The following TNFRSF9 variants were observed in gnomAD, a reference collection of about 807,000 sequenced individuals.
TNFRSF9 encodes the protein TNF receptor superfamily member 9, also known as tumor necrosis factor receptor superfamily member 9.
TNFRSF9 carries 16 observed loss-of-function variants against 28.8 expected under a neutral mutation model. That is an observed-to-expected ratio of 0.55 (90% CI 0.38 to 0.84). The LOEUF is 0.84. TNFRSF9 is among the 40% of genes least tolerant of loss of function. The probability of loss-of-function intolerance (pLI) is 0.00; values close to 1 mark genes in which losing one functional copy is unlikely to be tolerated. For missense variants in TNFRSF9, 303 were observed against 315.0 expected, an observed-to-expected ratio of 0.96 and a Z score of 0.29; for synonymous variants, 131 against 117.0, an observed-to-expected ratio of 1.12 and a Z score of -0.77.
At chr1:7,937,893 C>G (rs548452779) in intron 4 of TNFRSF9, 137 bp from the exon 5 acceptor site, 23 of 731,678 alleles carry the variant, frequency 3.1e-5, no homozygotes, top group Middle Eastern at 3.6e-4. Context: ...AAACAACACC[C>G]TAAGATGGCT....
chr1:7,920,935 AT>A lies in TNFRSF9; in HGVS notation c.680-13del. The A allele has an allele frequency of 2.5e-6, 4 of 1,570,308 alleles. No homozygotes were observed. The highest frequency in any genetic ancestry group is 3.5e-6 in the Non-Finnish European group (4 of 1,143,192). On this transcript the variant is annotated splice_polypyrimidine_tract_variant and intron_variant, in intron 7 of 7. Coordinates refer to ENST00000377507, the MANE Select transcript of TNFRSF9 (RefSeq NM_001561.6). The stretch of plus-strand genomic sequence containing the variant: ...TGGTCTCATAAATGCTAAAAAAAAA[AT>A]TTTAAGATACGTATATTTTGTTGTC...
rs114937535 is a variant in TNFRSF9, at chr1:7,920,069, C to A, written c.*766G>T. 6.6e-5 allele frequency: 10 copies of A among 152,160 alleles called. No homozygotes were observed. The highest frequency in any genetic ancestry group is 1.9e-4 in the East Asian group (1 of 5,316). The allele number at this position is 152,160 out of a possible 1,614,324, so 9.4% of individuals were successfully genotyped here. On this transcript the variant is annotated 3_prime_UTR_variant, in exon 8 of 8. Coordinates refer to ENST00000377507, the MANE Select transcript of TNFRSF9 (RefSeq NM_001561.6). ...CTCAGGCACTCTGCTCATACTCCCC[C>A]CTGACGGTGGAGCATGTCGTGTTAC... is the stretch of plus-strand genomic sequence containing the variant.
intron 5 of TNFRSF9, among the ~76,000 whole-genome samples, chr1:7,935,659 C>T (rs923096612): frequency 1.3e-5 from 2 of 152,156 alleles, no homozygotes; most frequent in African/African-American, 4.8e-5. Flanking sequence ...GACCCCATCT[C>T]TACAAAAATT....
chr1:7,923,010 C>T (rs1029015454), intron 7 of TNFRSF9, among the ~76,000 whole-genome samples: 13 of 150,280 alleles, frequency 8.7e-5, no homozygotes, highest in Admixed American at 4.7e-4. Flanking sequence ...TCAAGCGGTT[C>T]TCTTGCCTCA....
rs923251888 is a variant in TNFRSF9 at position 7,935,422 on chromosome 1, C to T, written c.414-279G>A. Among the ~76,000 whole-genome samples the T allele has an allele frequency of 3.3e-4, 50 of 152,270 alleles. No homozygotes were observed. The East Asian group carries it at 5.2e-3, about 16-fold the overall frequency. On this transcript the variant is annotated intron_variant, in intron 5 of 7. Coordinates refer to ENST00000377507, the MANE Select transcript of TNFRSF9 (RefSeq NM_001561.6). ...TTTCTTAATCGGACTTGACCATCTC[C>T]GGCACAGATGAAGGCTAGCATAGGG...
At chr1:7,932,776 G>C (rs957650541) in intron 7 of TNFRSF9, among the ~76,000 whole-genome samples, 2 of 151,578 alleles carry the variant, frequency 1.3e-5, no homozygotes, top group African/African-American at 2.4e-5. Context: ...ATAATCCAAG[G>C]CTGCAGCATA....
rs1578068563 is a variant in TNFRSF9, at chr1:7,920,632, C to G, written c.*203G>C. 3 of 490,878 alleles carry G rather than the reference C, an allele frequency of 6.1e-6. No homozygotes were observed. In the South Asian group the frequency reaches 6.9e-5, roughly 11 times the overall value. The allele number at this position is 490,878 out of a possible 1,614,324, so 30.4% of individuals were successfully genotyped here. ...TGCCACTGCACTCCAGCCTGGGTGACAGAGTGAGACCCTGTCAAAAAAAAA... is the reference window on the plus strand; with the variant it reads ...TGCCACTGCACTCCAGCCTGGGTGAGAGAGTGAGACCCTGTCAAAAAAAAA... On this transcript the variant is annotated 3_prime_UTR_variant, in exon 8 of 8. Transcript: ENST00000377507.
Position 7,920,934 on chromosome 1 carries a change from A to T in TNFRSF9, c.680-11T>A. The T allele has an allele frequency of 1.3e-6, 2 of 1,594,318 alleles. No individual in the cohort carries two copies. Among genetic ancestry groups the T allele is most frequent in the Non-Finnish European group, 1.7e-6 (2 of 1,164,688 alleles). On this transcript the variant is annotated splice_polypyrimidine_tract_variant and intron_variant, in intron 7 of 7. Transcript: ENST00000377507. The stretch of plus-strand genomic sequence containing the variant: ...CTGGTCTCATAAATGCTAAAAAAAA[A>T]ATTTTAAGATACGTATATTTTGTTG...
chr1:7,928,370 C>T (rs1191363093), intron 7 of TNFRSF9, among the ~76,000 whole-genome samples: 1 of 152,110 alleles, frequency 6.6e-6, no homozygotes, highest in African/African-American at 2.4e-5. Flanking sequence ...ATGTAATAGT[C>T]AAAACAGGAA....
intron 1 of TNFRSF9, 61 bp from the exon 2 acceptor site, chr1:7,940,139 C>A (rs1322766536): frequency 5.5e-6 from 3 of 549,066 alleles, no homozygotes; most frequent in Non-Finnish European, 9.9e-6. Flanking sequence ...ATCTATATTG[C>A]AATCATTACT....
intron 7 of TNFRSF9, among the ~76,000 whole-genome samples, chr1:7,925,590 A>G (rs1203975421): frequency 1.3e-5 from 2 of 152,176 alleles, no homozygotes; most frequent in Non-Finnish European, 2.9e-5. Context: ...ACTTTGTAAT[A>G]TATAATGAAA....
In TNFRSF9 at chr1:7,918,348, A is replaced by T. The variant is rs1486666982; in HGVS notation, c.*2487T>A. 1 of 152,040 alleles carries T rather than the reference A, an allele frequency of 6.6e-6. No homozygotes were observed. Among genetic ancestry groups the T allele is most frequent in the Admixed American group, 6.6e-5 (1 of 15,244 alleles). 9.4% of individuals were successfully genotyped at this position (152,040 alleles called of 1,614,324 possible). On this transcript the variant is annotated 3_prime_UTR_variant, in exon 8 of 8. Transcript: ENST00000377507. ...AGATTATTATCTAGAATACATAAAG[A>T]CCTTTTAGGAATCAGGACAAACAAC...
intron 7 of TNFRSF9, chr1:7,921,861 A>T (rs1042307889): frequency 2.0e-5 from 3 of 152,166 alleles, no homozygotes; most frequent in Non-Finnish European, 4.4e-5. Context: ...AGCATGAATC[A>T]CTAAACCATA....
intron 7 of TNFRSF9, 50 bp from the exon 8 acceptor site, chr1:7,920,973 T>C (rs1639550120): frequency 8.0e-7 from 1 of 1,250,536 alleles, no homozygotes; most frequent in Non-Finnish European, 1.2e-6. Flanking sequence ...ATTTGAATCA[T>C]TTAACACTTA....
chr1:7,933,094 C>A, intron 7 of TNFRSF9, 68 bp downstream of exon 7: 1 of 1,517,802 alleles, frequency 6.6e-7, no homozygotes, highest in South Asian at 1.3e-5. Flanking sequence ...TTTTTAAAAT[C>A]ATATTTTCCT....
chr1:7,934,015 C>T (rs1639777577), intron 6 of TNFRSF9, among the ~76,000 whole-genome samples: 1 of 150,924 alleles, frequency 6.6e-6, no homozygotes, highest in Non-Finnish European at 1.5e-5. Context: ...AGACTCTGTC[C>T]ACCCCCCCAA....
intron 7 of TNFRSF9, among the ~76,000 whole-genome samples, chr1:7,923,269 C>T (rs1242627548): frequency 6.6e-6 from 1 of 152,200 alleles, no homozygotes; most frequent in Non-Finnish European, 1.5e-5. Context: ...GCTCCGCCTG[C>T]AAGCCCACCA....
intron 7 of TNFRSF9, among the ~76,000 whole-genome samples, chr1:7,931,927 T>C (rs1203002552): frequency 2.6e-5 from 4 of 152,198 alleles, no homozygotes; most frequent in Non-Finnish European, 5.9e-5. Context: ...GCGGATCACC[T>C]GAGGTTGGGA....
rs373507458 is a variant in TNFRSF9 at position 7,935,079 on chromosome 1, G to A, written c.478C>T (p.Pro160Ser). The A allele has an allele frequency of 9.6e-5, 155 of 1,614,140 alleles. No individual in the cohort carries two copies. Among genetic ancestry groups the A allele is most frequent in the Non-Finnish European group, 1.3e-4 (151 of 1,180,060 alleles). The change falls in exon 6 of 8, where the codon CCA (proline) becomes TCA (serine). Residue 160 changes from proline (P) to serine (S), a missense_variant. By Grantham distance (74) the Pro-to-Ser change is moderately conservative. Coordinates refer to ENST00000377507, the MANE Select transcript of TNFRSF9 (RefSeq NM_001561.6). ...GTKERDVVCGPSPADLSPGAS... is the reference protein window; with the variant it reads ...GTKERDVVCGSSPADLSPGAS... ...CCCGGAGAGAGGTCGGCTGGAGATG[G>A]TCCACAGACCACGTCCCTCTCCTTC...
Sources: allele counts gnomAD v4.1 joint callset (sites outside exome capture counted in the v4.1 genomes callset), GRCh38; gene constraint gnomAD v4.1.1; transcripts MANE v1.5; gene names NCBI Gene and HGNC (gene_info 2026-07-23, HGNC 2026-07-21).